ZFYVE26: variants seen among roughly 807,000 people sequenced by gnomAD.
ZFYVE26 encodes the protein zinc finger FYVE-type containing 26.
Under a neutral mutation model 276.5 loss-of-function variants are expected in ZFYVE26, and 181 were observed. That is an observed-to-expected ratio of 0.65 (90% CI 0.58 to 0.74). The LOEUF is 0.74. Among genes scored for constraint, ZFYVE26 ranks in the 30% least tolerant of loss-of-function variants. ZFYVE26 has a pLI of 0.00. For missense variants in ZFYVE26, 2,821 were observed against 3,097.9 expected (o/e 0.91, Z 2.12); for synonymous variants, 1,129 against 1,203.1 (o/e 0.94, Z 1.27).
At chr14:67,729,494 T>A (rs1594867727) in exon 14 of ZFYVE26, 1 of 1,069,536 alleles carries the variant, frequency 9.3e-7, no homozygotes, top group East Asian at 2.4e-5. Context: ...AATCCAGGTT[T>A]GGGTTGGGCC....
intron 28 of ZFYVE26, among the ~76,000 whole-genome samples, chr14:67,771,242 C>T (rs765707584): frequency 5.3e-5 from 8 of 152,180 alleles, no homozygotes; most frequent in South Asian, 4.1e-4. Context: ...GTTTTCCATT[C>T]CTGTGTTAGT....
intron 13 of ZFYVE26, among the ~76,000 whole-genome samples, chr14:67,732,273 A>G (rs1032484908): frequency 6.6e-6 from 1 of 151,912 alleles, no homozygotes; most frequent in African/African-American, 2.4e-5. Flanking sequence ...CCCCATCTCT[A>G]CTAAAAATCA....
intron 8 of ZFYVE26, 115 bp downstream of exon 8, chr14:67,805,102 C>G: frequency 1.0e-6 from 1 of 981,558 alleles, no homozygotes; most frequent in Non-Finnish European, 1.6e-6. Context: ...AGTAGCTGGT[C>G]AACATTGCCA....
At position 67,762,352 on chromosome 14, in the gene ZFYVE26, G is replaced by C; in HGVS notation, c.6220C>G (p.Leu2074Val). 6.2e-7 allele frequency: 1 copy of C among 1,614,192 alleles called. No homozygotes were observed. The highest frequency in any genetic ancestry group is 8.5e-7 in the Non-Finnish European group (1 of 1,180,032). ...GAWHAWGMACLKAGNLTAARE... is the reference protein window; with the variant it reads ...GAWHAWGMACVKAGNLTAARE... Reference sequence around the variant, plus strand: ...GCAGCAGTGAGGTTCCCGGCTTTGAGGCAGGCCATGCCCCAAGCATGCCAC... The same window carrying C: ...GCAGCAGTGAGGTTCCCGGCTTTGACGCAGGCCATGCCCCAAGCATGCCAC... Residue 2074 changes from leucine (L) to valine (V), a missense_variant, in exon 34 of 42, where the codon CTC (leucine) becomes GTC (valine). By Grantham distance (32) the Leu-to-Val change is conservative. Coordinates refer to ENST00000347230, the MANE Select transcript of ZFYVE26 (RefSeq NM_015346.4).
intron 28 of ZFYVE26, 51 bp from the exon 29 acceptor site, chr14:67,769,781 T>G: frequency 2.5e-6 from 4 of 1,609,754 alleles, no homozygotes; most frequent in African/African-American, 1.3e-5. Flanking sequence ...GAAGGGGAGA[T>G]TGCCATCAAT....
At chr14:67,795,665 T>C (rs1037867337) in intron 12 of ZFYVE26, among the ~76,000 whole-genome samples, 4 of 152,108 alleles carry the variant, frequency 2.6e-5, no homozygotes, top group East Asian at 3.9e-4. Flanking sequence ...CCAAAAGCCA[T>C]AATGAAAACT....
intron 28 of ZFYVE26, among the ~76,000 whole-genome samples, chr14:67,771,328 T>C (rs1327203548): frequency 1.3e-5 from 2 of 152,264 alleles, no homozygotes; most frequent in East Asian, 1.9e-4. Flanking sequence ...TATGGCTGCA[T>C]GGTATTCCAT....
chr14:67,737,178 CTT>C (rs1421253978), intron 13 of ZFYVE26, among the ~76,000 whole-genome samples: 1 of 142,514 alleles, frequency 7.0e-6, no homozygotes, highest in Non-Finnish European at 1.5e-5. Flanking sequence ...ATCTTCCTGT[CTT>C]GGCCTATCAA....
intron 37 of ZFYVE26, among the ~76,000 whole-genome samples, chr14:67,754,657 G>A (rs1354857631): frequency 2.0e-5 from 3 of 152,238 alleles, no homozygotes; most frequent in African/African-American, 7.2e-5. Flanking sequence ...TAGAGGGACT[G>A]GCAAGTATAA....
At chr14:67,753,670 A>G (rs2038705363) in intron 39 of ZFYVE26, 37 bp downstream of exon 39, 3 of 1,604,640 alleles carry the variant, frequency 1.9e-6, no homozygotes, top group Non-Finnish European at 2.6e-6. Flanking sequence ...TCAGGTGCTG[A>G]TTGTCCTCAG....
chr14:67,777,941 C>T (rs1037274352), intron 24 of ZFYVE26, among the ~76,000 whole-genome samples, 185 bp downstream of exon 24: 5 of 151,958 alleles, frequency 3.3e-5, no homozygotes, highest in African/African-American at 9.7e-5. Flanking sequence ...TGGACCCAGC[C>T]GCCCCATCTG....
intron 13 of ZFYVE26, among the ~76,000 whole-genome samples, chr14:67,739,271 G>A (rs1284768976): frequency 6.6e-6 from 1 of 152,170 alleles, no homozygotes; most frequent in Non-Finnish European, 1.5e-5. Context: ...AGTGAAGCTG[G>A]CTGGCCCAAA....
intron 13 of ZFYVE26, among the ~76,000 whole-genome samples, chr14:67,740,244 CAGCAG>C (rs1407286064): frequency 6.6e-6 from 1 of 152,058 alleles, no homozygotes; most frequent in Non-Finnish European, 1.5e-5. Context: ...GTTCCAATGA[CAGCAG>C]TTACTTAAAG....
At chr14:67,761,677 G>C (rs1383456964) in intron 34 of ZFYVE26, 93 bp from the exon 35 acceptor site, 21 of 1,112,180 alleles carry the variant, frequency 1.9e-5, no homozygotes, top group Non-Finnish European at 2.7e-5. Context: ...TTAACAATGT[G>C]CACACCAACA....
chr14:67,769,913 C>A, intron 28 of ZFYVE26, 183 bp from the exon 29 acceptor site: 1 of 802,108 alleles, frequency 1.2e-6, no homozygotes, highest in Non-Finnish European at 2.0e-6. Flanking sequence ...TTAAAAATAT[C>A]TGTCAGCTGA....
Position 67,798,198 on chromosome 14 carries a change from G to A in ZFYVE26, c.2064C>T (p.Phe688=). The change falls in exon 11 of 42, where the codon TTC becomes TTT. Residue 688 remains phenylalanine, a synonymous_variant. Transcript: ENST00000347230. The part of the protein sequence containing the change: ...FLADEFAIGA[F]LRLLQEQLDE... ...CCAGTTGCTCTTGGAGAAGCCTGAG[G>A]AAGGCCCCTATTGCAAATTCATCAG... is the stretch of plus-strand genomic sequence containing the variant. 1 of 1,614,182 alleles carries A rather than the reference G, an allele frequency of 6.2e-7. No individual in the cohort carries two copies. The highest frequency in any genetic ancestry group is 8.5e-7 in the Non-Finnish European group (1 of 1,180,034).
chr14:67,741,746 T>C (rs2038417053), downstream of ZFYVE26, among the ~76,000 whole-genome samples: 1 of 152,210 alleles, frequency 6.6e-6, no homozygotes. Flanking sequence ...CCCAAAGCAC[T>C]ACTATTTGAA....
In ZFYVE26 at chr14:67,748,428, G is replaced by A. The variant is rs1381560746; in HGVS notation, c.*8C>T. The A allele has an allele frequency of 6.2e-7, 1 of 1,611,492 alleles. No homozygotes were observed. Among genetic ancestry groups the A allele is most frequent in the Admixed American group, 1.7e-5 (1 of 60,018 alleles). On this transcript the variant is annotated 3_prime_UTR_variant, in exon 42 of 42. Transcript: ENST00000347230. Reference sequence around the variant, plus strand: ...CAGGCCACGTGTTCCTGGCCCCACTGCCCAAGGTCACTTCCTGGAGCCTGG... The same window carrying A: ...CAGGCCACGTGTTCCTGGCCCCACTACCCAAGGTCACTTCCTGGAGCCTGG...
Position 67,781,410 on chromosome 14 carries a change from T to C in ZFYVE26, c.4492A>G (p.Ile1498Val), listed in dbSNP as rs1284822199. The change falls in exon 22 of 42, where the codon ATT becomes GTT. Residue 1498 changes from isoleucine (I) to valine (V), a missense_variant. Ile to Val is a conservative substitution (Grantham distance 29). Transcript: ENST00000347230. ...ESCLEILAYC[I>V]SDTAVQEGLK... ...CCTTCTTGGACAGCCGTGTCTGAAA[T>C]GCAGTAGGCCAGAATCTCCAGGCAT... 6.2e-7 allele frequency: 1 copy of C among 1,614,176 alleles called. No homozygotes were observed. Among genetic ancestry groups the C allele is most frequent in the South Asian group, 1.1e-5 (1 of 91,088 alleles).
Sources: allele counts gnomAD v4.1 joint callset (sites outside exome capture counted in the v4.1 genomes callset), GRCh38; gene constraint gnomAD v4.1.1; transcripts MANE v1.5; gene names NCBI Gene and HGNC (gene_info 2026-07-23, HGNC 2026-07-21).